Variants in MYO1D observed in about 807,000 individuals in gnomAD.
MYO1D encodes myosin ID.
Under a neutral mutation model 122.0 loss-of-function variants are expected in MYO1D, and 83 were observed. The ratio of observed to expected loss-of-function variants is 0.68; its 90% CI spans 0.57 to 0.82. MYO1D has a LOEUF of 0.82. Among genes scored for constraint, MYO1D ranks in the 40% least tolerant of loss-of-function variants. The pLI is 0.00. For synonymous variants in MYO1D, 464 were observed against 446.9 expected (o/e 1.04, Z -0.48); for missense variants, 1,157 against 1,269.5 (o/e 0.91, Z 1.35).
chr17:32,773,471 C>T (rs2090141435), intron 4 of MYO1D, among the ~76,000 whole-genome samples: 1 of 152,124 alleles, frequency 6.6e-6, no homozygotes, highest in Non-Finnish European at 1.5e-5. Flanking sequence ...CTTGATCCTT[C>T]ACCTTGGTGG....
chr17:32,542,613 T>TAA lies in MYO1D; in HGVS notation c.2865-47700_2865-47699dup, dbSNP rs67238143. Among the ~76,000 whole-genome samples the TAA allele has an allele frequency of 4.7e-3, 584 of 124,854 alleles. 8 individuals carry two copies. The highest frequency in any genetic ancestry group is 0.015 in the African/African-American group (534 of 35,008). The allele number at this position is 124,854 out of a possible 152,430, so 81.9% of individuals were successfully genotyped here. On this transcript the variant is annotated intron_variant, in intron 21 of 21. Coordinates refer to ENST00000318217, the MANE Select transcript of MYO1D (RefSeq NM_015194.3). ...TTGCAAACCCTGTAGGAGGTAACGC[T>TAA]AAAAAAAAAAAAAAAAGCCAACAGT...
chr17:32,709,096 T>C (rs932710960), intron 16 of MYO1D, among the ~76,000 whole-genome samples: 1 of 152,118 alleles, frequency 6.6e-6, no homozygotes, highest in Non-Finnish European at 1.5e-5. Context: ...GTGAAGGAAG[T>C]AAACAAACTA....
At chr17:32,797,111 C>T (rs1183643177) in intron 1 of MYO1D, among the ~76,000 whole-genome samples, 1 of 152,100 alleles carries the variant, frequency 6.6e-6, no homozygotes, top group Non-Finnish European at 1.5e-5. Context: ...GCTGGGATTA[C>T]AGGCATCTGC....
chr17:32,698,376 T>C lies in MYO1D; in HGVS notation c.2121+13612A>G, dbSNP rs919388626. On this transcript the variant is annotated intron_variant, in intron 16 of 21. Coordinates refer to ENST00000318217, the MANE Select transcript of MYO1D (RefSeq NM_015194.3). ...TCTCTTCCCCCCTCCCCCTCCCCCT[T>C]CCCTCCTTCCTTCTTTTCTTTTTTA... Among the ~76,000 whole-genome samples the C allele has an allele frequency of 2.6e-4, 34 of 129,676 alleles. 1 individual carries two copies. Among genetic ancestry groups the C allele is most frequent in the Middle Eastern group, 3.9e-3 (1 of 258 alleles). The allele number at this position is 129,676 out of a possible 152,430, so 85.1% of individuals were successfully genotyped here.
intron 20 of MYO1D, among the ~76,000 whole-genome samples, chr17:32,633,520 A>G (rs1314687450): frequency 6.6e-6 from 1 of 151,988 alleles, no homozygotes; most frequent in Non-Finnish European, 1.5e-5. Context: ...CCCTTCATAG[A>G]TAGCTTGCTT....
intron 1 of MYO1D, among the ~76,000 whole-genome samples, chr17:32,799,190 A>C (rs371522283): frequency 5.3e-5 from 8 of 152,348 alleles, no homozygotes; most frequent in African/African-American, 1.9e-4. Flanking sequence ...AGAGTCAAAA[A>C]CTAAAAACAG....
At chr17:32,530,153 C>T (rs1391104542) in intron 21 of MYO1D, 1 of 152,140 alleles carries the variant, frequency 6.6e-6, no homozygotes, top group Non-Finnish European at 1.5e-5. Context: ...CAAGGACAGG[C>T]AAGGAGCCCG....
chr17:32,815,295 T>C (rs1397713251), intron 1 of MYO1D, among the ~76,000 whole-genome samples: 3 of 152,162 alleles, frequency 2.0e-5, no homozygotes, highest in Admixed American at 2.0e-4. Context: ...CTAAAATACA[T>C]AAACTGTAGG....
intron 20 of MYO1D, among the ~76,000 whole-genome samples, chr17:32,621,593 C>G (rs2087855916): frequency 6.6e-6 from 1 of 152,090 alleles, no homozygotes; most frequent in African/African-American, 2.4e-5. Context: ...TTAATTACAG[C>G]CTTAAAAGCT....
chr17:32,654,394 T>C, intron 18 of MYO1D, 83 bp downstream of exon 18: 1 of 1,436,960 alleles, frequency 7.0e-7, no homozygotes, highest in East Asian at 2.3e-5. Context: ...TTTTATCCTT[T>C]CTGCAAATTC....
At chr17:32,583,207 A>G (rs148476821) in intron 21 of MYO1D, among the ~76,000 whole-genome samples, 22 of 152,188 alleles carry the variant, frequency 1.4e-4, no homozygotes, top group African/African-American at 4.8e-4. Context: ...ATGTTTCTCT[A>G]TTGCTCTCTT....
chr17:32,587,038 C>T (rs867235750), intron 21 of MYO1D, among the ~76,000 whole-genome samples: 2 of 152,146 alleles, frequency 1.3e-5, no homozygotes, highest in Non-Finnish European at 2.9e-5. Context: ...TTTCTCTAAA[C>T]GGTGATGTCT....
At chr17:32,864,265 T>C (rs1037274108) in intron 1 of MYO1D, among the ~76,000 whole-genome samples, 2 of 151,890 alleles carry the variant, frequency 1.3e-5, no homozygotes, top group East Asian at 1.9e-4. Context: ...GGCACCTCCA[T>C]GACCCAGGAC....
chr17:32,593,552 A>G (rs928860350), intron 21 of MYO1D, among the ~76,000 whole-genome samples: 2 of 152,230 alleles, frequency 1.3e-5, no homozygotes, highest in African/African-American at 4.8e-5. Context: ...TTCCTTTGTA[A>G]GAGAATCTCA....
intron 16 of MYO1D, among the ~76,000 whole-genome samples, chr17:32,676,695 T>C (rs2088814653): frequency 1.3e-5 from 2 of 152,178 alleles, no homozygotes; most frequent in Admixed American, 1.3e-4. Flanking sequence ...AAGAGACGGC[T>C]GAATAGAGGT....
intron 21 of MYO1D, among the ~76,000 whole-genome samples, chr17:32,516,955 T>C (rs2057259898): frequency 1.3e-5 from 2 of 152,368 alleles, no homozygotes; most frequent in Middle Eastern, 3.4e-3. Context: ...TTTTATCTTA[T>C]ATCCATTAAC....
intron 1 of MYO1D, among the ~76,000 whole-genome samples, chr17:32,859,659 G>C (rs972103508): frequency 2.0e-5 from 3 of 152,182 alleles, no homozygotes; most frequent in Non-Finnish European, 2.9e-5. Flanking sequence ...CAATTCATAC[G>C]CAAGTATTTG....
chr17:32,714,491 T>C (rs2089418072), intron 15 of MYO1D, among the ~76,000 whole-genome samples: 1 of 152,164 alleles, frequency 6.6e-6, no homozygotes, highest in Admixed American at 6.5e-5. Flanking sequence ...GGCATTTGGG[T>C]TGATTCCATG....
At chr17:32,642,190 C>A (rs2088211522) in intron 19 of MYO1D, among the ~76,000 whole-genome samples, 1 of 152,198 alleles carries the variant, frequency 6.6e-6, no homozygotes, top group Admixed American at 6.5e-5. Flanking sequence ...AACAGGGAAT[C>A]CTTTCCCCAT....
Sources: gnomAD v4.1 joint callset for allele counts (sites outside exome capture counted in the v4.1 genomes callset) on GRCh38, gnomAD v4.1.1 for gene constraint, MANE v1.5 for transcripts, NCBI Gene and HGNC (gene_info 2026-07-23, HGNC 2026-07-21) for gene names.